The following PRR16 variants were observed in gnomAD, a reference collection of about 807,000 sequenced individuals.
The protein encoded by PRR16 is proline rich 16, also known as protein Largen.
Under a neutral mutation model 18.2 loss-of-function variants are expected in PRR16, and 6 were observed. That is an observed-to-expected ratio of 0.33 (90% CI 0.18 to 0.65). The LOEUF (loss-of-function observed/expected upper bound fraction) is 0.65, where lower values mean the gene tolerates loss of function less well. PRR16 is among the 30% of genes least tolerant of loss of function. The probability of loss-of-function intolerance (pLI) is 0.74; values close to 1 mark genes in which losing one functional copy is unlikely to be tolerated. For synonymous variants in PRR16, 151 were observed against 147.8 expected (o/e 1.02, Z -0.16); for missense variants, 412 against 376.6 (o/e 1.09, Z -0.78).
At chr5:120,673,136 C>T (rs760779409) in intron 1 of PRR16, among the ~76,000 whole-genome samples, 1 of 152,216 alleles carries the variant, frequency 6.6e-6, no homozygotes. Context: ...TTTACTAAAA[C>T]TTATAGACAA....
At chr5:120,559,095 C>T (rs1301051801) in intron 1 of PRR16, among the ~76,000 whole-genome samples, 1 of 151,824 alleles carries the variant, frequency 6.6e-6, no homozygotes, top group Non-Finnish European at 1.5e-5. Flanking sequence ...TATGTGTTGT[C>T]TCCTCACTTT....
intron 1 of PRR16, among the ~76,000 whole-genome samples, chr5:120,469,646 T>C (rs1749207824): frequency 6.6e-6 from 1 of 152,156 alleles, no homozygotes; most frequent in Non-Finnish European, 1.5e-5. Flanking sequence ...ATTTTCCAAG[T>C]TCTAAAGTTG....
At chr5:120,535,221 A>G (rs989155725) in intron 1 of PRR16, among the ~76,000 whole-genome samples, 1 of 152,174 alleles carries the variant, frequency 6.6e-6, no homozygotes, top group Non-Finnish European at 1.5e-5. Context: ...AGGAAGAGTA[A>G]TATGTTTTGT....
chr5:120,700,807 C>G, the PRR16 span, among the ~76,000 whole-genome samples: 148 of 152,202 alleles, frequency 9.7e-4, no homozygotes, highest in East Asian at 0.019. Context: ...AGCTCGGCGT[C>G]GGTGATGGTC....
chr5:120,752,470 T>A, the PRR16 span, among the ~76,000 whole-genome samples: 1 of 151,924 alleles, frequency 6.6e-6, no homozygotes, highest in African/African-American at 2.4e-5. Context: ...TGAGAGACAT[T>A]TTCTCATCTT....
At chr5:120,554,437 T>A (rs948993536) in intron 1 of PRR16, among the ~76,000 whole-genome samples, 2 of 151,910 alleles carry the variant, frequency 1.3e-5, no homozygotes, top group Admixed American at 6.6e-5. Flanking sequence ...ATTAAAGGAC[T>A]TTAAGGATTG....
chr5:120,775,038 T>C, the PRR16 span, among the ~76,000 whole-genome samples: 1 of 152,178 alleles, frequency 6.6e-6, no homozygotes, highest in African/African-American at 2.4e-5. Context: ...CTAACCTTAC[T>C]CATTAAAGGC....
the PRR16 span, among the ~76,000 whole-genome samples, chr5:120,780,978 A>G: frequency 6.6e-6 from 1 of 152,134 alleles, no homozygotes; most frequent in Non-Finnish European, 1.5e-5. Context: ...TGAACTTGGG[A>G]GGCGGAAGTT....
At chr5:120,791,071 A>G in the PRR16 span, among the ~76,000 whole-genome samples, 1 of 152,118 alleles carries the variant, frequency 6.6e-6, no homozygotes, top group Admixed American at 6.5e-5. Context: ...TCTCTTAATT[A>G]AAAAGTCATT....
chr5:120,581,807 T>A (rs1269634685), intron 1 of PRR16, among the ~76,000 whole-genome samples: 2 of 152,206 alleles, frequency 1.3e-5, no homozygotes, highest in Admixed American at 1.3e-4. Context: ...TTGTTCAATT[T>A]CCATGAAATT....
chr5:120,561,732 G>A (rs1397693730), intron 1 of PRR16, among the ~76,000 whole-genome samples: 2 of 152,036 alleles, frequency 1.3e-5, no homozygotes, highest in Admixed American at 6.6e-5. Flanking sequence ...ATCATGGGGT[G>A]GTTTCTCCCA....
At chr5:120,564,809 A>T (rs1268254554) in intron 1 of PRR16, among the ~76,000 whole-genome samples, 3 of 151,670 alleles carry the variant, frequency 2.0e-5, no homozygotes, top group Non-Finnish European at 4.4e-5. Flanking sequence ...AAATGGTGAA[A>T]CCCCATCTCT....
At chr5:120,573,445 A>T (rs534857975) in intron 1 of PRR16, among the ~76,000 whole-genome samples, 1 of 152,114 alleles carries the variant, frequency 6.6e-6, no homozygotes, top group African/African-American at 2.4e-5. Flanking sequence ...CTGTTGTCTT[A>T]TTAATATGTC....
the PRR16 span, among the ~76,000 whole-genome samples, chr5:120,785,657 C>T: frequency 6.9e-6 from 1 of 145,548 alleles, no homozygotes; most frequent in Non-Finnish European, 1.5e-5. Flanking sequence ...ACTGCAACCT[C>T]CTCCTTCCAG....
At chr5:120,621,119 C>A (rs1000056395) in intron 1 of PRR16, among the ~76,000 whole-genome samples, 2 of 152,124 alleles carry the variant, frequency 1.3e-5, no homozygotes, top group Non-Finnish European at 2.9e-5. Context: ...TCACTACTTG[C>A]AACTTTTCAG....
intron 1 of PRR16, among the ~76,000 whole-genome samples, chr5:120,542,622 GA>G (rs1216145608): frequency 1.3e-5 from 2 of 152,098 alleles, no homozygotes; most frequent in Non-Finnish European, 2.9e-5. Flanking sequence ...GACAAAAAAT[GA>G]GATAGAGATT....
chr5:120,688,576 TTAAA>T (rs1313626173), downstream of PRR16, among the ~76,000 whole-genome samples: 3 of 152,282 alleles, frequency 2.0e-5, no homozygotes, highest in South Asian at 2.1e-4. Context: ...ATTTCTAGGG[TTAAA>T]TAATTACTTC....
At chr5:120,705,450 C>G in the PRR16 span, among the ~76,000 whole-genome samples, 1 of 151,876 alleles carries the variant, frequency 6.6e-6, no homozygotes, top group East Asian at 1.9e-4. Flanking sequence ...ATCTTTTAAA[C>G]TTTTATTCTA....
chr5:120,690,411 C>T (rs1046843316), downstream of PRR16, among the ~76,000 whole-genome samples: 3 of 152,082 alleles, frequency 2.0e-5, no homozygotes, highest in South Asian at 2.1e-4. Context: ...CTGAAGATTT[C>T]GTTTCTTGCT....
Sources: allele counts gnomAD v4.1 joint callset (sites outside exome capture counted in the v4.1 genomes callset), GRCh38; gene constraint gnomAD v4.1.1; transcripts MANE v1.5; gene names NCBI Gene and HGNC (gene_info 2026-07-23, HGNC 2026-07-21).